Variants in OSBPL8 observed in about 807,000 individuals in gnomAD.
OSBPL8 encodes oxysterol-binding protein-related protein 8.
OSBPL8 carries 59 observed loss-of-function variants against 125.5 expected under a neutral mutation model. The observed-to-expected ratio is 0.47, with a 90% CI of 0.38 to 0.58. The LOEUF (loss-of-function observed/expected upper bound fraction) is 0.58. OSBPL8 is among the 20% of genes least tolerant of loss of function. The probability of loss-of-function intolerance (pLI) is 0.00; values close to 1 mark genes in which losing one functional copy is unlikely to be tolerated. For missense variants in OSBPL8, 758 were observed against 1,047.8 expected (o/e 0.72, Z 3.82); for synonymous variants, 330 against 338.9 (o/e 0.97, Z 0.29).
chr12:76,437,174 A>G (rs924600729), intron 4 of OSBPL8, among the ~76,000 whole-genome samples: 2 of 152,214 alleles, frequency 1.3e-5, no homozygotes, highest in Non-Finnish European at 2.9e-5. Context: ...ATAAAAACAA[A>G]GGATTAGAGT....
chr12:76,508,181 A>G (rs1880612449), intron 1 of OSBPL8, among the ~76,000 whole-genome samples: 1 of 152,176 alleles, frequency 6.6e-6, no homozygotes, highest in Non-Finnish European at 1.5e-5. Context: ...AAAAAAAAAA[A>G]AAGAAGAATA....
At chr12:76,372,352 G>A (rs928435626) in intron 18 of OSBPL8, among the ~76,000 whole-genome samples, 2 of 151,998 alleles carry the variant, frequency 1.3e-5, no homozygotes, top group Non-Finnish European at 2.9e-5. Flanking sequence ...ACAGGCATGT[G>A]CCATCATGCC....
intron 1 of OSBPL8, among the ~76,000 whole-genome samples, chr12:76,513,955 A>C (rs1018120775): frequency 4.0e-5 from 6 of 151,564 alleles, no homozygotes; most frequent in African/African-American, 1.5e-4. Context: ...TGATCCTGTC[A>C]TTGTGTTGTT....
Position 76,355,786 on chromosome 12 carries a change from T to G in OSBPL8, c.*103A>C. On this transcript the variant is annotated 3_prime_UTR_variant, in exon 24 of 24. Coordinates refer to ENST00000261183, the MANE Select transcript of OSBPL8 (RefSeq NM_020841.5). The stretch of plus-strand genomic sequence containing the variant: ...TACATTTATCTCCTAGGTTTTTTTG[T>G]TTTCGGAATATTGTGATTTTTAATA... The G allele has an allele frequency of 7.6e-7, 1 of 1,322,612 alleles. No homozygotes were observed. The highest frequency in any genetic ancestry group is 1.5e-5 in the South Asian group (1 of 66,238). 81.9% of individuals were successfully genotyped at this position (1,322,612 alleles called of 1,614,324 possible).
At chr12:76,503,892 G>T (rs1472444593) in intron 1 of OSBPL8, among the ~76,000 whole-genome samples, 1 of 152,026 alleles carries the variant, frequency 6.6e-6, no homozygotes, top group Non-Finnish European at 1.5e-5. Flanking sequence ...ATGTAACAAG[G>T]CATAGACTAT....
At chr12:76,373,574 C>A in intron 17 of OSBPL8, 141 bp from the exon 18 acceptor site, 2 of 470,658 alleles carry the variant, frequency 4.2e-6, no homozygotes, top group African/African-American at 2.0e-5. Context: ...AATACTGACT[C>A]AAATTTTAGT....
At chr12:76,556,570 A>C (rs1416254651) in intron 1 of OSBPL8, among the ~76,000 whole-genome samples, 1 of 152,170 alleles carries the variant, frequency 6.6e-6, no homozygotes, top group Non-Finnish European at 1.5e-5. Flanking sequence ...AGGAAGCTAT[A>C]CTTTGGCCAC....
intron 11 of OSBPL8, 165 bp from the exon 12 acceptor site, chr12:76,389,994 G>A (rs1953490594): frequency 6.2e-6 from 3 of 485,696 alleles, no homozygotes; most frequent in Non-Finnish European, 1.0e-5. Context: ...TAAAACTTAG[G>A]TAAAAAAGGG....
intron 4 of OSBPL8, among the ~76,000 whole-genome samples, chr12:76,423,664 C>T (rs1285197734): frequency 6.6e-6 from 1 of 152,158 alleles, no homozygotes; most frequent in Non-Finnish European, 1.5e-5. Context: ...AAAGAATTCT[C>T]TCCCAATTAT....
At chr12:76,512,194 A>G (rs1354435776) in intron 1 of OSBPL8, among the ~76,000 whole-genome samples, 1 of 152,146 alleles carries the variant, frequency 6.6e-6, no homozygotes, top group African/African-American at 2.4e-5. Flanking sequence ...CTTATCCTTT[A>G]ACTCCCACTT....
At chr12:76,478,948 G>A (rs939572463) in intron 2 of OSBPL8, among the ~76,000 whole-genome samples, 1 of 152,132 alleles carries the variant, frequency 6.6e-6, no homozygotes, top group Non-Finnish European at 1.5e-5. Flanking sequence ...AGCCGGGTGT[G>A]ATGGCAGGCG....
At chr12:76,444,569 G>T (rs1004996684) in intron 4 of OSBPL8, among the ~76,000 whole-genome samples, 1 of 152,152 alleles carries the variant, frequency 6.6e-6, no homozygotes, top group Non-Finnish European at 1.5e-5. Flanking sequence ...CTGGGTCCAC[G>T]ATGATGAGAA....
chr12:76,519,370 C>T (rs1881852890), intron 1 of OSBPL8, among the ~76,000 whole-genome samples: 1 of 152,134 alleles, frequency 6.6e-6, no homozygotes, highest in Non-Finnish European at 1.5e-5. Flanking sequence ...CCTTCACTGT[C>T]CATATTTCTA....
chr12:76,520,907 T>C (rs73385550), intron 1 of OSBPL8, among the ~76,000 whole-genome samples: 1 of 152,198 alleles, frequency 6.6e-6, no homozygotes, highest in East Asian at 1.9e-4. Context: ...CACCCAATAG[T>C]TGCTTCCCAT....
rs961642236 is a variant in OSBPL8 at position 76,367,535 on chromosome 12, C to T, written c.2328+1679G>A. On this transcript the variant is annotated intron_variant, in intron 21 of 23. Coordinates refer to ENST00000261183, the MANE Select transcript of OSBPL8 (RefSeq NM_020841.5). ...CAATTTTTACAATCTGTCTTTTGCTCGGAGAGTTTAATCTATTTACATTTT... is the reference window on the plus strand; with the variant it reads ...CAATTTTTACAATCTGTCTTTTGCTTGGAGAGTTTAATCTATTTACATTTT... Among the ~76,000 whole-genome samples the T allele has an allele frequency of 2.6e-5, 4 of 152,068 alleles. No homozygotes were observed. In the South Asian group the frequency reaches 6.2e-4, roughly 24 times the overall value.
chr12:76,403,693 A>G (rs1206317240), intron 5 of OSBPL8, among the ~76,000 whole-genome samples: 1 of 152,158 alleles, frequency 6.6e-6, no homozygotes, highest in East Asian at 1.9e-4. Flanking sequence ...TCTTAGCAGT[A>G]CTCCTAAGCA....
chr12:76,421,871 G>A (rs933371527), intron 4 of OSBPL8, among the ~76,000 whole-genome samples: 5 of 144,600 alleles, frequency 3.5e-5, no homozygotes. Context: ...AATCATAGCT[G>A]TCAAATGCCT....
At position 76,552,195 on chromosome 12, in the gene OSBPL8, C is replaced by T. The variant is rs1010509727; in HGVS notation, c.-68+7202G>A. On this transcript the variant is annotated intron_variant, in intron 1 of 23. Coordinates refer to ENST00000261183, the MANE Select transcript of OSBPL8 (RefSeq NM_020841.5). ...ATGCCAGCACTTTGGGAGGCTGAGGCGGGCAGATCGCTTGAACTCAGCAGT... is the reference window on the plus strand; with the variant it reads ...ATGCCAGCACTTTGGGAGGCTGAGGTGGGCAGATCGCTTGAACTCAGCAGT... Among the ~76,000 whole-genome samples, 9 of 152,000 alleles carry T rather than the reference C, an allele frequency of 5.9e-5. No individual in the cohort carries two copies. The South Asian group carries it at 6.2e-4, about 11-fold the overall frequency.
intron 4 of OSBPL8, among the ~76,000 whole-genome samples, chr12:76,449,759 C>G (rs1873157261): frequency 1.3e-5 from 2 of 152,074 alleles, no homozygotes; most frequent in African/African-American, 4.8e-5. Flanking sequence ...ATTCAGTGAG[C>G]AAATATTTTC....
Sources: allele counts gnomAD v4.1 joint callset (sites outside exome capture counted in the v4.1 genomes callset), GRCh38; gene constraint gnomAD v4.1.1; transcripts MANE v1.5; gene names NCBI Gene and HGNC (gene_info 2026-07-23, HGNC 2026-07-21).